The following PDE9A variants were observed in gnomAD, a reference collection of about 807,000 sequenced individuals.
PDE9A encodes the protein high affinity cGMP-specific 3',5'-cyclic phosphodiesterase 9A.
In PDE9A, 60 loss-of-function variants were observed where a neutral mutation model predicts 87.4. The observed-to-expected ratio is 0.69, with a 90% CI of 0.56 to 0.85. The LOEUF is 0.85. Among genes scored for constraint, PDE9A ranks in the 40% least tolerant of loss-of-function variants. The pLI, the probability that PDE9A is intolerant of heterozygous loss-of-function variation, is 0.00. For missense variants in PDE9A, 665 were observed against 779.0 expected (o/e 0.85, Z 1.74); for synonymous variants, 272 against 279.4 (o/e 0.97, Z 0.27).
chr21:42,670,517 C>T (rs1400828212), intron 1 of PDE9A, among the ~76,000 whole-genome samples: 1 of 144,816 alleles, frequency 6.9e-6, no homozygotes, highest in Admixed American at 6.9e-5. Flanking sequence ...TTCACACACA[C>T]AGGCAATCAC....
At chr21:42,771,493 C>T (rs1359154455) in intron 18 of PDE9A, among the ~76,000 whole-genome samples, 1 of 152,240 alleles carries the variant, frequency 6.6e-6, no homozygotes, top group Non-Finnish European at 1.5e-5. Context: ...AGTCTTACTA[C>T]TCCTGCAGGG....
intron 17 of PDE9A, 30 bp downstream of exon 17, chr21:42,769,185 G>C (rs2056672463): frequency 6.2e-7 from 1 of 1,605,440 alleles, no homozygotes; most frequent in Non-Finnish European, 8.5e-7. Flanking sequence ...TGTCACACTT[G>C]CTTACACTCA....
At chr21:42,754,893 C>G (rs1263180656) in intron 10 of PDE9A, among the ~76,000 whole-genome samples, 1 of 152,090 alleles carries the variant, frequency 6.6e-6, no homozygotes, top group Non-Finnish European at 1.5e-5. Flanking sequence ...TATAAGTTAC[C>G]CAGTCTCAGG....
At chr21:42,718,576 T>A (rs2050179002) in intron 4 of PDE9A, among the ~76,000 whole-genome samples, 1 of 151,722 alleles carries the variant, frequency 6.6e-6, no homozygotes, top group Non-Finnish European at 1.5e-5. Context: ...ATGAAGTTTT[T>A]TTTTGTTTAG....
intron 7 of PDE9A, among the ~76,000 whole-genome samples, chr21:42,742,397 T>TGAGCCAGGAATGCTGATTGATTG (rs2053390217): frequency 6.7e-6 from 1 of 149,976 alleles, no homozygotes; most frequent in African/African-American, 2.5e-5. Flanking sequence ...GGGAAGCCAG[T>TGAGCCAGGAATGCTGATTGATTG]GAGCCAGGAA....
At chr21:42,752,026 C>T (rs1023696186) in intron 9 of PDE9A, among the ~76,000 whole-genome samples, 2 of 148,098 alleles carry the variant, frequency 1.4e-5, no homozygotes, top group South Asian at 2.2e-4. Flanking sequence ...GCTGAGCCAC[C>T]GCACCCGGCC....
At chr21:42,662,776 A>ACC (rs1370088710) in intron 1 of PDE9A, among the ~76,000 whole-genome samples, 1 of 119,264 alleles carries the variant, frequency 8.4e-6, no homozygotes. Context: ...AAGGACACAC[A>ACC]CCACACACAC....
At chr21:42,748,321 G>C (rs908140196) in intron 8 of PDE9A, among the ~76,000 whole-genome samples, 2 of 152,148 alleles carry the variant, frequency 1.3e-5, no homozygotes, top group South Asian at 2.1e-4. Flanking sequence ...GCATTTTGTT[G>C]GTTGGTTTTG....
rs529077594 is a variant in PDE9A, at chr21:42,717,682, G to A, written c.263-14088G>A. ...GCTGGGATTACAGGCGTGAACCACC[G>A]TGCCCAGGCAAGGAACATGCCTTTA... On this transcript the variant is annotated intron_variant, in intron 4 of 19. Coordinates refer to ENST00000291539, the MANE Select transcript of PDE9A (RefSeq NM_002606.3). Among the ~76,000 whole-genome samples the A allele has an allele frequency of 1.6e-4, 24 of 151,412 alleles. No individual in the cohort carries two copies. The South Asian group carries it at 2.8e-3, about 17-fold the overall frequency.
chr21:42,730,621 T>A (rs1395314285), intron 4 of PDE9A, among the ~76,000 whole-genome samples: 1 of 152,218 alleles, frequency 6.6e-6, no homozygotes, highest in Non-Finnish European at 1.5e-5. Flanking sequence ...AGGATCACTC[T>A]CTATGACTGC....
intron 9 of PDE9A, among the ~76,000 whole-genome samples, chr21:42,752,216 C>CA (rs2146996664): frequency 6.6e-6 from 1 of 152,296 alleles, no homozygotes; most frequent in African/African-American, 2.4e-5. Flanking sequence ...TGATTCTATC[C>CA]ACGCAGTTCC....
At chr21:42,654,037 G>A (rs539600556) in intron 1 of PDE9A, among the ~76,000 whole-genome samples, 154 bp downstream of exon 1, 1 of 146,886 alleles carries the variant, frequency 6.8e-6, no homozygotes, top group Non-Finnish European at 1.5e-5. Flanking sequence ...GTCCCCACGC[G>A]CCGGCTCCCC....
rs748081430 is a variant in PDE9A, at chr21:42,687,915, A to C, written c.141-2A>C. ...AAACACGGGCTTGGGTGTGTTTTCC[A>C]GGAACACGACCATCTCCCTGCTGAC... On this transcript the variant is annotated splice_acceptor_variant, in intron 2 of 19. Coordinates refer to ENST00000291539, the MANE Select transcript of PDE9A (RefSeq NM_002606.3). LOFTEE classifies it high-confidence loss of function. The C allele has an allele frequency of 6.2e-7, 1 of 1,612,980 alleles. No individual in the cohort carries two copies. Among genetic ancestry groups the C allele is most frequent in the East Asian group, 2.2e-5 (1 of 44,882 alleles).
intron 1 of PDE9A, among the ~76,000 whole-genome samples, chr21:42,656,071 G>A (rs2057045845): frequency 6.6e-6 from 1 of 152,220 alleles, no homozygotes; most frequent in Non-Finnish European, 1.5e-5. Context: ...GCTGCCATCA[G>A]CCGCCATTCC....
intron 7 of PDE9A, among the ~76,000 whole-genome samples, chr21:42,736,277 CTTTG>C (rs1317640254): frequency 6.6e-6 from 1 of 152,154 alleles, no homozygotes; most frequent in Non-Finnish European, 1.5e-5. Context: ...CCCTGTGTGT[CTTTG>C]AATAACTGAC....
chr21:42,663,017 A>G (rs548115088), intron 1 of PDE9A, among the ~76,000 whole-genome samples: 64 of 149,940 alleles, frequency 4.3e-4, no homozygotes, highest in African/African-American at 1.5e-3. Context: ...CACCACACAC[A>G]CGCACATATC....
At chr21:42,736,771 AC>A (rs2052497656) in intron 7 of PDE9A, among the ~76,000 whole-genome samples, 1 of 152,084 alleles carries the variant, frequency 6.6e-6, no homozygotes, top group African/African-American at 2.4e-5. Context: ...CATGCAACTC[AC>A]ACCCCCACCC....
At chr21:42,683,935 C>T (rs908515127) in intron 1 of PDE9A, among the ~76,000 whole-genome samples, 1 of 152,176 alleles carries the variant, frequency 6.6e-6, no homozygotes, top group Non-Finnish European at 1.5e-5. Context: ...TTTATAAAGG[C>T]GTCATTTGCT....
Position 42,731,774 on chromosome 21 carries a change from T to G in PDE9A, c.267T>G (p.Gly89=), listed in dbSNP as rs964523536. 1 of 1,611,386 alleles carries G rather than the reference T, an allele frequency of 6.2e-7. No individual in the cohort carries two copies. Among genetic ancestry groups the G allele is most frequent in the Non-Finnish European group, 8.5e-7 (1 of 1,178,956 alleles). ...AGTCCTGCCTGCTTTTTATAGCTGG[T>G]GTCGAGGACAAGAGAACCACAAGCC... is the stretch of plus-strand genomic sequence containing the variant. ...RPVAIKQLSA[G]VEDKRTTSRG... The change falls in exon 5 of 20, where the codon GGT becomes GGG. Residue 89 remains glycine (G), a synonymous_variant. Transcript: ENST00000291539.
Sources: allele counts gnomAD v4.1 joint callset (sites outside exome capture counted in the v4.1 genomes callset), GRCh38; gene constraint gnomAD v4.1.1; transcripts MANE v1.5; gene names NCBI Gene and HGNC (gene_info 2026-07-23, HGNC 2026-07-21).